Variants in TRPV1 observed in about 807,000 individuals in gnomAD.
TRPV1 encodes transient receptor potential cation channel subfamily V member 1, also known as OTRPC1.
A neutral mutation model predicts 82.3 loss-of-function variants in TRPV1; 82 were observed. The ratio of observed to expected loss-of-function variants is 1.00; its 90% CI spans 0.83 to 1.20. The LOEUF is 1.20. TRPV1 is among the 50% of genes most tolerant of loss of function. The probability of loss-of-function intolerance (pLI) is 0.00; values close to 1 mark genes in which losing one functional copy is unlikely to be tolerated. For missense variants in TRPV1, 1,067 were observed against 1,096.8 expected, an observed-to-expected ratio of 0.97 and a Z score of 0.38; for synonymous variants, 515 against 467.7, an observed-to-expected ratio of 1.10 and a Z score of -1.30.
chr17:3,578,799 G>C (rs1310624205), intron 11 of TRPV1: 1 of 152,036 alleles, frequency 6.6e-6, no homozygotes, highest in Non-Finnish European at 1.5e-5. Flanking sequence ...TGGTAGACTG[G>C]ATAATCAAAA....
At chr17:3,600,038 A>G (rs1172929600) in intron 2 of TRPV1, among the ~76,000 whole-genome samples, 2 of 152,200 alleles carry the variant, frequency 1.3e-5, no homozygotes, top group African/African-American at 2.4e-5. Flanking sequence ...GGCCATAGTG[A>G]CTAGTGCTGC....
intron 7 of TRPV1, chr17:3,588,984 A>T (rs2075118831): frequency 4.6e-6 from 7 of 1,533,426 alleles, no homozygotes; most frequent in Non-Finnish European, 6.1e-6. Flanking sequence ...GAAAGAAAGA[A>T]AGAGAATGCA....
intron 16 of TRPV1, among the ~76,000 whole-genome samples, chr17:3,570,295 G>A (rs1426821799): frequency 5.3e-5 from 8 of 151,700 alleles, no homozygotes; most frequent in Admixed American, 1.3e-4. Context: ...GCTTGAACCC[G>A]GGAGGCGGAG....
Position 3,573,532 on chromosome 17 carries a change from G to GGCCCCCCC in TRPV1, c.2103+100_2103+101insGGGGGGGC, listed in dbSNP as rs1567658951. 6.9e-5 allele frequency: 18 copies of GGCCCCCCC among 259,788 alleles called. 5 individuals carry two copies. The highest frequency in any genetic ancestry group is 1.1e-4 in the Non-Finnish European group (14 of 131,236). 16.1% of individuals were successfully genotyped at this position (259,788 alleles called of 1,614,324 possible). ...GCCCATACCCTCCTGGCCACACACC[G>GGCCCCCCC]CCCCCACCACCCACCCACCTGCAGC... On this transcript the variant is annotated intron_variant, in intron 14 of 16. Coordinates refer to ENST00000572705, the MANE Select transcript of TRPV1 (RefSeq NM_080704.4).
intron 8 of TRPV1, among the ~76,000 whole-genome samples, chr17:3,586,561 C>T (rs1220164059): frequency 6.6e-6 from 1 of 152,220 alleles, no homozygotes; most frequent in Non-Finnish European, 1.5e-5. Context: ...CACTTGAAGT[C>T]TGGAGTTCAA....
At chr17:3,605,927 G>A (rs1169059734) in intron 2 of TRPV1, among the ~76,000 whole-genome samples, 2 of 151,802 alleles carry the variant, frequency 1.3e-5, no homozygotes, top group Admixed American at 6.6e-5. Flanking sequence ...AAATCTCAGT[G>A]GCTTCAAACA....
chr17:3,566,739 G>C lies in TRPV1; in HGVS notation c.*76C>G. 1 of 1,541,006 alleles carries C rather than the reference G, an allele frequency of 6.5e-7. No individual in the cohort carries two copies. Among genetic ancestry groups the C allele is most frequent in the South Asian group, 1.2e-5 (1 of 80,918 alleles). On this transcript the variant is annotated 3_prime_UTR_variant, in exon 17 of 17. Coordinates refer to ENST00000572705, the MANE Select transcript of TRPV1 (RefSeq NM_080704.4). Reference sequence around the variant, plus strand: ...AGGCCAGGCTGCTGACAGAGCACTGGTGTTCCCTCAGCAGCCCCCCGTGGC... The same window carrying C: ...AGGCCAGGCTGCTGACAGAGCACTGCTGTTCCCTCAGCAGCCCCCCGTGGC...
At chr17:3,596,644 C>G (rs2075222307) in intron 2 of TRPV1, among the ~76,000 whole-genome samples, 1 of 152,228 alleles carries the variant, frequency 6.6e-6, no homozygotes, top group Non-Finnish European at 1.5e-5. Flanking sequence ...CAAGAACAAA[C>G]CCCAGTAACA....
At chr17:3,586,416 T>C (rs752455454) in intron 8 of TRPV1, among the ~76,000 whole-genome samples, 2 of 152,252 alleles carry the variant, frequency 1.3e-5, no homozygotes, top group Admixed American at 6.5e-5. Context: ...GAGGGCCCAG[T>C]GCCTCATGCC....
intron 16 of TRPV1, among the ~76,000 whole-genome samples, chr17:3,570,817 G>A (rs570853913): frequency 2.6e-5 from 4 of 152,032 alleles, no homozygotes; most frequent in East Asian, 1.9e-4. Context: ...AGGTTCAACC[G>A]ATTCTCCTGC....
Position 3,591,337 on chromosome 17 carries a change from A to C in TRPV1, c.301T>G (p.Ser101Ala). The C allele has an allele frequency of 6.3e-7, 1 of 1,591,022 alleles. No individual in the cohort carries two copies. The highest frequency in any genetic ancestry group is 1.8e-5 in the Admixed American group (1 of 54,730). ...GTCTTCTCGGTGCTGGCGGCGACAG[A>C]GTCCTGGGACAGCAGCCTGTGGGCC... ...PTGARLLSQD[S>A]VAASTEKTLR... is the part of the protein sequence containing the mutation. The change falls in exon 4 of 17, where the codon TCT (serine) becomes GCT (alanine). Residue 101 changes from serine (S) to alanine (A), a missense_variant. Coordinates refer to ENST00000572705, the MANE Select transcript of TRPV1 (RefSeq NM_080704.4).
At chr17:3,584,404 A>T (rs2075058102) in intron 9 of TRPV1, among the ~76,000 whole-genome samples, 2 of 43,724 alleles carry the variant, frequency 4.6e-5, no homozygotes, top group Non-Finnish European at 9.1e-5. Flanking sequence ...CTCTGTCTCA[A>T]AAAAAAAAAA....
intron 2 of TRPV1, among the ~76,000 whole-genome samples, chr17:3,598,054 A>G (rs926963653): frequency 3.1e-4 from 47 of 152,208 alleles, no homozygotes; most frequent in African/African-American, 1.0e-3. Context: ...CGCACAGGAG[A>G]GAGTCACATA....
chr17:3,590,525 C>CA (rs1214433741), intron 5 of TRPV1, 133 bp from the exon 6 acceptor site: 31 of 1,374,386 alleles, frequency 2.3e-5, no homozygotes, highest in Non-Finnish European at 2.9e-5. Flanking sequence ...GGAGGACCCC[C>CA]CCACTGCAGG....
intron 14 of TRPV1, among the ~76,000 whole-genome samples, 162 bp from the exon 15 acceptor site, chr17:3,572,411 C>CG (rs1280284834): frequency 1.3e-5 from 2 of 152,176 alleles, no homozygotes; most frequent in Non-Finnish European, 2.9e-5. Flanking sequence ...TGTAGCCTGG[C>CG]GGGGGTACAC....
intron 14 of TRPV1, among the ~76,000 whole-genome samples, 162 bp from the exon 15 acceptor site, chr17:3,572,411 C>T (rs565550315): frequency 1.2e-4 from 18 of 152,294 alleles, no homozygotes; most frequent in South Asian, 1.0e-3. Flanking sequence ...TGTAGCCTGG[C>T]GGGGGTACAC....
At chr17:3,575,360 G>A (rs1411751170) in intron 13 of TRPV1, among the ~76,000 whole-genome samples, 1 of 151,974 alleles carries the variant, frequency 6.6e-6, no homozygotes, top group Non-Finnish European at 1.5e-5. Flanking sequence ...ATGGGCAGCT[G>A]TGATCCCAGC....
At chr17:3,592,524 C>A (rs2075172700) in intron 2 of TRPV1, 141 bp from the exon 3 acceptor site, 4 of 844,050 alleles carry the variant, frequency 4.7e-6, no homozygotes, top group Middle Eastern at 3.6e-4. Context: ...CCCCCTAGAA[C>A]TGAAGTGTTT....
intron 2 of TRPV1, among the ~76,000 whole-genome samples, chr17:3,605,112 C>T (rs1199803595): frequency 6.6e-6 from 1 of 152,176 alleles, no homozygotes; most frequent in Non-Finnish European, 1.5e-5. Context: ...AGTGGGTTCG[C>T]TCTGGGGTTT....
Sources: gnomAD v4.1 joint callset for allele counts (sites outside exome capture counted in the v4.1 genomes callset) on GRCh38, gnomAD v4.1.1 for gene constraint, MANE v1.5 for transcripts, NCBI Gene and HGNC (gene_info 2026-07-23, HGNC 2026-07-21) for gene names.